PPARGC1A: variants seen among roughly 807,000 people sequenced by gnomAD.
PPARGC1A encodes PPARG coactivator 1 alpha.
A neutral mutation model predicts 88.7 loss-of-function variants in PPARGC1A; 25 were observed. The ratio of observed to expected loss-of-function variants is 0.28; its 90% confidence interval spans 0.21 to 0.39. The LOEUF (loss-of-function observed/expected upper bound fraction) is 0.39. PPARGC1A is among the 10% of genes least tolerant of loss of function. The pLI, the probability that PPARGC1A is intolerant of heterozygous loss-of-function variation, is 1.00. For missense variants in PPARGC1A, 880 were observed against 968.7 expected, an observed-to-expected ratio of 0.91 and a Z score of 1.22; for synonymous variants, 363 against 355.6, an observed-to-expected ratio of 1.02 and a Z score of -0.24.
chr4:23,972,565 T>C, the PPARGC1A span, among the ~76,000 whole-genome samples: 1 of 152,206 alleles, frequency 6.6e-6, no homozygotes, highest in Admixed American at 6.5e-5. Context: ...ACTAAACTAG[T>C]ATCTCTTCAA....
the PPARGC1A span, among the ~76,000 whole-genome samples, chr4:24,416,175 A>G: frequency 6.6e-6 from 1 of 152,198 alleles, no homozygotes; most frequent in Admixed American, 6.5e-5. Context: ...GTGTTAAAGA[A>G]GTTTCAAGAA....
the PPARGC1A span, among the ~76,000 whole-genome samples, chr4:23,931,760 T>C: frequency 1.3e-5 from 2 of 152,294 alleles, no homozygotes; most frequent in Admixed American, 6.5e-5. Flanking sequence ...AGGTGATATA[T>C]GCTAAGTGGC....
the PPARGC1A span, among the ~76,000 whole-genome samples, chr4:24,296,928 C>CT: frequency 0.017 from 2,611 of 150,066 alleles, 69 homozygotes; most frequent in African/African-American, 0.061. Context: ...CAGCACAACA[C>CT]TTTTTTTTTT....
At chr4:24,230,567 C>T in the PPARGC1A span, among the ~76,000 whole-genome samples, 5 of 152,162 alleles carry the variant, frequency 3.3e-5, no homozygotes, top group African/African-American at 9.7e-5. Context: ...CCATATAGCA[C>T]CTTCATTTGT....
At chr4:24,414,054 A>G in the PPARGC1A span, among the ~76,000 whole-genome samples, 1 of 152,224 alleles carries the variant, frequency 6.6e-6, no homozygotes, top group East Asian at 1.9e-4. Context: ...TGAAACCACC[A>G]TGAGACACTG....
At chr4:24,018,632 C>T in the PPARGC1A span, among the ~76,000 whole-genome samples, 4 of 152,198 alleles carry the variant, frequency 2.6e-5, no homozygotes, top group Non-Finnish European at 5.9e-5. Flanking sequence ...ATATAGTTCT[C>T]ATTCCTCACG....
chr4:24,324,428 C>T, the PPARGC1A span, among the ~76,000 whole-genome samples: 6 of 152,028 alleles, frequency 3.9e-5, no homozygotes, highest in Non-Finnish European at 8.8e-5. Context: ...GCAAGAACCC[C>T]CCACCCCTTC....
At chr4:24,376,283 A>T in the PPARGC1A span, among the ~76,000 whole-genome samples, 1 of 152,192 alleles carries the variant, frequency 6.6e-6, no homozygotes, top group Non-Finnish European at 1.5e-5. Flanking sequence ...TCAGGTATTT[A>T]CCGCAAGTCC....
chr4:24,298,021 G>A, the PPARGC1A span, among the ~76,000 whole-genome samples: 1 of 152,092 alleles, frequency 6.6e-6, no homozygotes, highest in Admixed American at 6.5e-5. Flanking sequence ...TACAGAGATG[G>A]AGATAACAGA....
chr4:24,194,862 C>T, the PPARGC1A span, among the ~76,000 whole-genome samples: 1 of 152,122 alleles, frequency 6.6e-6, no homozygotes, highest in African/African-American at 2.4e-5. Context: ...TATCAACCAA[C>T]CAAAATCTTT....
At chr4:24,335,569 AG>A in the PPARGC1A span, among the ~76,000 whole-genome samples, 3 of 152,234 alleles carry the variant, frequency 2.0e-5, no homozygotes, top group Admixed American at 6.5e-5. Flanking sequence ...AGTAGAAAAA[AG>A]TGATACCTCA....
chr4:24,214,905 G>A, the PPARGC1A span, among the ~76,000 whole-genome samples: 1 of 152,144 alleles, frequency 6.6e-6, no homozygotes, highest in African/African-American at 2.4e-5. Flanking sequence ...GAGAGTCAGG[G>A]TACTTTGTAT....
At chr4:23,996,594 T>A in the PPARGC1A span, among the ~76,000 whole-genome samples, 1 of 151,878 alleles carries the variant, frequency 6.6e-6, no homozygotes, top group East Asian at 1.9e-4. Flanking sequence ...CCAACCCCAC[T>A]CTGTTTCTCT....
the PPARGC1A span, among the ~76,000 whole-genome samples, chr4:24,158,364 C>T: frequency 6.6e-6 from 1 of 152,164 alleles, no homozygotes; most frequent in Non-Finnish European, 1.5e-5. Flanking sequence ...CTGTCTTCCG[C>T]CAAACTCCAC....
intron 1 of PPARGC1A, among the ~76,000 whole-genome samples, chr4:23,886,856 TAAAA>T (rs11332760): frequency 7.3e-6 from 1 of 136,310 alleles, no homozygotes; most frequent in Non-Finnish European, 1.6e-5. Context: ...GCATAGTCTT[TAAAA>T]AAAAAAAAAA....
the PPARGC1A span, among the ~76,000 whole-genome samples, chr4:24,390,718 G>A: frequency 3.0e-3 from 452 of 151,992 alleles, 2 homozygotes; most frequent in Non-Finnish European, 4.7e-3. Context: ...CCCAGGTTAC[G>A]AAGTATTGTT....
rs558713436 is a variant in PPARGC1A, at chr4:23,888,092, A to G, written c.54+1812T>C. Among the ~76,000 whole-genome samples the G allele has an allele frequency of 1.7e-4, 26 of 152,284 alleles. No individual in the cohort carries two copies. The East Asian group carries it at 4.1e-3, about 24-fold the overall frequency. ...AACATTAATGATTCAAAAAATGAAAACTGCCAACGCTACCTGCTGCTCGTA... is the reference window on the plus strand; with the variant it reads ...AACATTAATGATTCAAAAAATGAAAGCTGCCAACGCTACCTGCTGCTCGTA... On this transcript the variant is annotated intron_variant, in intron 1 of 12. Coordinates refer to ENST00000264867, the MANE Select transcript of PPARGC1A (RefSeq NM_013261.5).
the PPARGC1A span, among the ~76,000 whole-genome samples, chr4:24,174,187 G>A: frequency 6.6e-6 from 1 of 152,144 alleles, no homozygotes; most frequent in African/African-American, 2.4e-5. Flanking sequence ...CCCTGTAAAT[G>A]GGACAAATAA....
At chr4:23,978,985 A>G in the PPARGC1A span, among the ~76,000 whole-genome samples, 1 of 152,204 alleles carries the variant, frequency 6.6e-6, no homozygotes, top group Non-Finnish European at 1.5e-5. Flanking sequence ...ACCCTATTGC[A>G]TATAGAAAGA....
Sources: allele counts gnomAD v4.1 joint callset (sites outside exome capture counted in the v4.1 genomes callset), GRCh38; gene constraint gnomAD v4.1.1; transcripts MANE v1.5; gene names NCBI Gene and HGNC (gene_info 2026-07-23, HGNC 2026-07-21).